Variants in CYP4F22 observed in about 807,000 individuals in gnomAD.
CYP4F22 encodes the protein ultra-long-chain fatty acid omega-hydroxylase.
In CYP4F22, 37 loss-of-function variants were observed where a neutral mutation model predicts 60.4. That is an observed-to-expected ratio of 0.61 (90% CI 0.47 to 0.81). The LOEUF (loss-of-function observed/expected upper bound fraction) is 0.81, where lower values mean the gene tolerates loss of function less well. Ranked by LOEUF, CYP4F22 falls within the 30% of genes least tolerant of loss-of-function variation. The pLI, the probability that CYP4F22 is intolerant of heterozygous loss-of-function variation, is 0.00. For missense variants in CYP4F22, 655 were observed against 715.0 expected, an observed-to-expected ratio of 0.92 and a Z score of 0.96; for synonymous variants, 258 against 280.5, an observed-to-expected ratio of 0.92 and a Z score of 0.80.
At chr19:15,509,184 G>T (rs550934088) in intron 1 of CYP4F22, among the ~76,000 whole-genome samples, 1 of 152,282 alleles carries the variant, frequency 6.6e-6, no homozygotes, top group East Asian at 1.9e-4. Context: ...AGGTCCTGGG[G>T]TTGGTCCCAG....
intron 4 of CYP4F22, among the ~76,000 whole-genome samples, chr19:15,532,032 A>G (rs1971348459): frequency 6.6e-6 from 1 of 151,974 alleles, no homozygotes; most frequent in Non-Finnish European, 1.5e-5. Flanking sequence ...CTTGAGTCCA[A>G]GAGGTTGAGG....
intron 1 of CYP4F22, among the ~76,000 whole-genome samples, chr19:15,518,647 C>CAA (rs748509278): frequency 0.029 from 625 of 21,860 alleles, 39 homozygotes; most frequent in African/African-American, 0.067. Flanking sequence ...GACTTTGTCT[C>CAA]AAAAAAAAAA....
chr19:15,550,856 C>G (rs889155210), intron 13 of CYP4F22, 100 bp downstream of exon 13: 38 of 1,428,556 alleles, frequency 2.7e-5, no homozygotes, highest in Non-Finnish European at 3.3e-5. Flanking sequence ...AGATGGCACC[C>G]AGGCGTCCTT....
Position 15,522,868 on chromosome 19 carries a change from G to A in CYP4F22, c.-108-825G>A, listed in dbSNP as rs143248621. ...TGGGATTATAGGCGCACGCCACCAC[G>A]CCCGGCTGATTTTTGTATTTTTAGT... On this transcript the variant is annotated intron_variant, in intron 1 of 13. Coordinates refer to ENST00000269703, the MANE Select transcript of CYP4F22 (RefSeq NM_173483.4). Among the ~76,000 whole-genome samples the A allele has an allele frequency of 5.1e-3, 775 of 151,854 alleles. 4 individuals carry two copies. The highest frequency in any genetic ancestry group is 0.011 in the African/African-American group (438 of 41,472).
chr19:15,547,544 C>T (rs553170800), intron 10 of CYP4F22, among the ~76,000 whole-genome samples: 13 of 152,074 alleles, frequency 8.5e-5, no homozygotes, highest in South Asian at 4.2e-4. Context: ...TAGTACTGGC[C>T]GGGCACTGTG....
At position 15,510,197 on chromosome 19, in the gene CYP4F22, G is replaced by A. The variant is rs149414588; in HGVS notation, c.-109+1614G>A. 1.9e-4 allele frequency among the ~76,000 whole-genome samples: 29 copies of A among 152,012 alleles called. 1 individual carries two copies. In the East Asian group the frequency reaches 5.6e-3, roughly 29 times the overall value. ...GGGTTTCACCATGTTGCCCAGGCTG[G>A]TCTTGAACTCTTGGGCTCAAGTGAT... On this transcript the variant is annotated intron_variant, in intron 1 of 13. Coordinates refer to ENST00000269703, the MANE Select transcript of CYP4F22 (RefSeq NM_173483.4).
chr19:15,550,789 C>T (rs1162729673), intron 13 of CYP4F22, 33 bp downstream of exon 13: 1 of 1,609,116 alleles, frequency 6.2e-7, no homozygotes, highest in Non-Finnish European at 8.5e-7. Context: ...TCCAAGCCAG[C>T]TGTGTAGGAA....
chr19:15,518,539 C>T (rs1971181854), intron 1 of CYP4F22, among the ~76,000 whole-genome samples: 2 of 148,334 alleles, frequency 1.3e-5, no homozygotes, highest in South Asian at 4.2e-4. Flanking sequence ...ATCCCAGCTA[C>T]TCAGGAGGCT....
chr19:15,527,361 C>T (rs1260531365), intron 3 of CYP4F22, among the ~76,000 whole-genome samples: 2 of 152,192 alleles, frequency 1.3e-5, no homozygotes, highest in East Asian at 1.9e-4. Context: ...CTCCCTAGCT[C>T]CATAGAATCA....
Position 15,525,368 on chromosome 19 carries a change from T to A in CYP4F22, c.32T>A (p.Leu11His), listed in dbSNP as rs1297242220. Residue 11 changes from leucine (L) to histidine (H), a missense_variant, in exon 3 of 14, where the codon CTC (leucine) becomes CAC (histidine). Leu to His is a moderately conservative substitution (Grantham distance 99). This residue lies in a region of CYP4F22 where 430 missense variants were observed against 457.1 expected (regional missense o/e 0.94). Coordinates refer to ENST00000269703, the MANE Select transcript of CYP4F22 (RefSeq NM_173483.4). ...CCCATCACAGACCGCCTGCTGCACCTCCTGGGGCTGGAGAAGACGGCGTTC... is the reference window on the plus strand; with the variant it reads ...CCCATCACAGACCGCCTGCTGCACCACCTGGGGCTGGAGAAGACGGCGTTC... MLPITDRLLH[L>H]LGLEKTAFRI... The A allele has an allele frequency of 4.3e-6, 7 of 1,613,810 alleles. No individual in the cohort carries two copies. The African/African-American group carries it at 8.0e-5, about 18-fold the overall frequency.
chr19:15,526,172 A>C (rs894572338), intron 3 of CYP4F22, among the ~76,000 whole-genome samples: 7 of 149,358 alleles, frequency 4.7e-5, no homozygotes, highest in African/African-American at 1.5e-4. Context: ...CTCTCTAAGG[A>C]AAAAAAAAAG....
chr19:15,546,809 C>T (rs1404662325), intron 10 of CYP4F22, among the ~76,000 whole-genome samples: 2 of 151,652 alleles, frequency 1.3e-5, no homozygotes, highest in African/African-American at 4.8e-5. Flanking sequence ...AGTACAGTGG[C>T]ATGATCATAG....
At chr19:15,532,347 T>A (rs751376660) in intron 4 of CYP4F22, among the ~76,000 whole-genome samples, 1 of 144,642 alleles carries the variant, frequency 6.9e-6, no homozygotes, top group African/African-American at 2.5e-5. Flanking sequence ...CTCCTCCCCA[T>A]CCCCCTCCTC....
intron 4 of CYP4F22, among the ~76,000 whole-genome samples, chr19:15,530,467 C>T (rs1264311426): frequency 6.6e-6 from 1 of 152,182 alleles, no homozygotes; most frequent in African/African-American, 2.4e-5. Flanking sequence ...TGTCTGTGTC[C>T]AGCTCTATCT....
intron 4 of CYP4F22, among the ~76,000 whole-genome samples, chr19:15,530,066 G>C (rs535401258): frequency 5.3e-5 from 8 of 152,324 alleles, no homozygotes; most frequent in Non-Finnish European, 1.0e-4. Context: ...AACTTCGAGG[G>C]AATGTCCATC....
At position 15,516,933 on chromosome 19, in the gene CYP4F22, G is replaced by A. The variant is rs150828216; in HGVS notation, c.-108-6760G>A. ...CAACCTCTGACTACCTGGTTCAAGC[G>A]ATTCTCCTGCCTCAGCCTCCCAAGC... On this transcript the variant is annotated intron_variant, in intron 1 of 13. Transcript: ENST00000269703. The A allele has an allele frequency of 7.7e-4, 151 of 196,306 alleles. 1 individual carries two copies. Among genetic ancestry groups the A allele is most frequent in the African/African-American group, 2.1e-3 (90 of 42,430 alleles). The allele number at this position is 196,306 out of a possible 1,614,324, so 12.2% of individuals were successfully genotyped here.
chr19:15,509,149 G>A (rs1012351532), intron 1 of CYP4F22, among the ~76,000 whole-genome samples: 2 of 152,156 alleles, frequency 1.3e-5, no homozygotes, highest in African/African-American at 4.8e-5. Context: ...TTCTGGCCCC[G>A]AGAGTTGGCT....
At chr19:15,545,667 A>AAG (rs1971516478) in intron 10 of CYP4F22, among the ~76,000 whole-genome samples, 1 of 50,398 alleles carries the variant, frequency 2.0e-5, no homozygotes, top group African/African-American at 1.1e-4. Context: ...AAAAAAAAAA[A>AAG]AAAAGAAAAG....
intron 12 of CYP4F22, among the ~76,000 whole-genome samples, chr19:15,549,598 T>C (rs560383543): frequency 6.6e-6 from 1 of 152,016 alleles, no homozygotes; most frequent in Non-Finnish European, 1.5e-5. Flanking sequence ...GAGGCTAAGG[T>C]GGGAGAATCG....
Sources: gnomAD v4.1 joint callset for allele counts (sites outside exome capture counted in the v4.1 genomes callset) on GRCh38, gnomAD v4.1.1 for gene constraint, gnomAD v4.1.1 regional missense constraint, MANE v1.5 for transcripts, NCBI Gene and HGNC (gene_info 2026-07-23, HGNC 2026-07-21) for gene names.